The following MMD variants were observed in gnomAD, a reference collection of about 807,000 sequenced individuals.
MMD encodes the protein monocyte to macrophage differentiation factor.
In MMD, 22 loss-of-function variants were observed where a neutral mutation model predicts 33.6. That is an observed-to-expected ratio of 0.66 (90% CI 0.47 to 0.94). The LOEUF is 0.94. Ranked by LOEUF, MMD falls within the 40% of genes least tolerant of loss-of-function variation. The pLI is 0.00. For synonymous variants in MMD, 97 were observed against 103.2 expected, an observed-to-expected ratio of 0.94 and a Z score of 0.36; for missense variants, 242 against 309.8, an observed-to-expected ratio of 0.78 and a Z score of 1.64.
rs1598427513 is a variant in MMD, at chr17:55,394,155, T to A, written c.*179A>T. 14 of 443,830 alleles carry A rather than the reference T, an allele frequency of 3.2e-5. No homozygotes were observed. The East Asian group carries it at 4.9e-4, about 16-fold the overall frequency. 27.5% of individuals were successfully genotyped at this position (443,830 alleles called of 1,614,324 possible). ...AATAATTAATTCACTACCTTATTTA[T>A]TTGCTGTGAGGCAGAAAATTCCAGA... On this transcript the variant is annotated 3_prime_UTR_variant, in exon 7 of 7. Coordinates refer to ENST00000262065, the MANE Select transcript of MMD (RefSeq NM_012329.3).
intron 5 of MMD, among the ~76,000 whole-genome samples, chr17:55,401,970 G>A (rs1907348678): frequency 6.7e-6 from 1 of 150,184 alleles, no homozygotes; most frequent in Admixed American, 6.6e-5. Flanking sequence ...TCGGGGAGAT[G>A]AGGCAGGAGA....
chr17:55,397,593 C>G (rs1041561624), intron 6 of MMD, among the ~76,000 whole-genome samples: 1 of 151,918 alleles, frequency 6.6e-6, no homozygotes, highest in Non-Finnish European at 1.5e-5. Context: ...GGCCCGACCT[C>G]AGCTCACTAC....
chr17:55,412,012 G>A (rs895318773), intron 2 of MMD, among the ~76,000 whole-genome samples: 9 of 152,196 alleles, frequency 5.9e-5, no homozygotes, highest in Non-Finnish European at 7.3e-5. Context: ...GAAAGGTTGA[G>A]GCTACAGTGA....
At chr17:55,400,378 T>C (rs1309254956) in intron 6 of MMD, among the ~76,000 whole-genome samples, 1 of 151,926 alleles carries the variant, frequency 6.6e-6, no homozygotes, top group Non-Finnish European at 1.5e-5. Flanking sequence ...TGAAACCCCA[T>C]CTCTACTAAA....
At position 55,421,769 on chromosome 17, in the gene MMD, G is replaced by T; in HGVS notation, c.-74C>A. The T allele has an allele frequency of 6.7e-7, 1 of 1,501,476 alleles. No homozygotes were observed. The highest frequency in any genetic ancestry group is 8.9e-7 in the Non-Finnish European group (1 of 1,125,230). The allele number at this position is 1,501,476 out of a possible 1,614,324, so 93.0% of individuals were successfully genotyped here. A position where few individuals can be genotyped will look rare whatever the true frequency, so the allele number is the denominator to read the frequency against. ...CGGCGGCCGGGCGCGCGGCCCTCAT[G>T]GGCTTGGGCTGCTCCGGAGGCCGCC... is the stretch of plus-strand genomic sequence containing the variant. On this transcript the variant is annotated 5_prime_UTR_variant, in exon 1 of 7. Transcript: ENST00000262065.
At chr17:55,394,678 C>T (rs1567844654) in intron 6 of MMD, 144 bp from the exon 7 acceptor site, 7 of 718,950 alleles carry the variant, frequency 9.7e-6, no homozygotes, top group Non-Finnish European at 1.4e-5. Flanking sequence ...TAAACATGAA[C>T]CAAACATAAA....
chr17:55,421,545 T>A, intron 1 of MMD, 125 bp downstream of exon 1: 1 of 1,369,182 alleles, frequency 7.3e-7, no homozygotes, highest in Non-Finnish European at 1.0e-6. Flanking sequence ...AACTGATCCC[T>A]GGCCAAGGTG....
intron 1 of MMD, 110 bp downstream of exon 1, chr17:55,421,559 GA>G: frequency 6.9e-7 from 1 of 1,456,936 alleles, no homozygotes. Context: ...CAAGGTGCGG[GA>G]TCCACCCAGG....
intron 2 of MMD, 23 bp from the exon 3 acceptor site, chr17:55,411,440 T>A: frequency 6.3e-7 from 1 of 1,599,278 alleles, no homozygotes; most frequent in East Asian, 2.2e-5. Flanking sequence ...TAAAGAATGG[T>A]GAATGGAATA....
chr17:55,397,804 G>A (rs1005123077), intron 6 of MMD, among the ~76,000 whole-genome samples: 2 of 152,064 alleles, frequency 1.3e-5, no homozygotes, highest in Non-Finnish European at 2.9e-5. Flanking sequence ...AGCCTCCAAC[G>A]TGCTGGGATT....
rs1260097118 is a variant in MMD, at chr17:55,407,749, G to A, written c.341C>T (p.Pro114Leu). 6.3e-7 allele frequency: 1 copy of A among 1,597,116 alleles called. No homozygotes were observed. The highest frequency in any genetic ancestry group is 1.8e-5 in the Admixed American group (1 of 55,530). ...AAATAGGAAGACTGTATCTTACCAT[G>A]GAGCATAAGAAGCAGCAATGAAGAA... ...IYFFIAASYAPWLNLRELGPL... is the reference protein window; with the variant it reads ...IYFFIAASYALWLNLRELGPL... Residue 114 changes from proline (P) to leucine (L), a missense_variant, in exon 4 of 7, where the codon CCA becomes CTA. Transcript: ENST00000262065.
intron 4 of MMD, among the ~76,000 whole-genome samples, chr17:55,405,376 A>G (rs760349284): frequency 2.8e-5 from 3 of 106,418 alleles, no homozygotes; most frequent in Middle Eastern, 4.7e-3. Context: ...ACTCCGTCTC[A>G]AAGAAAAAAA....
intron 1 of MMD, among the ~76,000 whole-genome samples, chr17:55,417,371 C>T (rs571136778): frequency 2.6e-5 from 4 of 152,178 alleles, no homozygotes; most frequent in East Asian, 1.9e-4. Flanking sequence ...CCCAGCTCCG[C>T]GTCTCCTACC....
At chr17:55,409,539 T>C (rs1373824583) in intron 3 of MMD, among the ~76,000 whole-genome samples, 2 of 152,200 alleles carry the variant, frequency 1.3e-5, no homozygotes, top group Non-Finnish European at 2.9e-5. Context: ...AATGAGATAA[T>C]GTAGGCCATG....
intron 1 of MMD, among the ~76,000 whole-genome samples, chr17:55,421,326 G>A (rs770188104): frequency 6.6e-6 from 1 of 152,222 alleles, no homozygotes. Flanking sequence ...CGGGTTCCCA[G>A]AGAGAGCCAG....
intron 1 of MMD, chr17:55,420,385 C>T (rs1172701933): frequency 6.6e-6 from 1 of 152,188 alleles, no homozygotes; most frequent in African/African-American, 2.4e-5. Context: ...TATGAAGTTC[C>T]ACTGGGGGAA....
At position 55,403,159 on chromosome 17, in the gene MMD, A is replaced by T. The variant is rs141284000; in HGVS notation, c.446+608T>A. ...AAATGTTCTGACTTTTTAATCATGA[A>T]GTTGGAATAGGGGACCTTGAAGGTC... is the stretch of plus-strand genomic sequence containing the variant. On this transcript the variant is annotated intron_variant, in intron 5 of 6. Transcript: ENST00000262065. Among the ~76,000 whole-genome samples, 28 of 152,348 alleles carry T rather than the reference A, an allele frequency of 1.8e-4. No individual in the cohort carries two copies. The East Asian group carries it at 3.1e-3, about 17-fold the overall frequency.
At chr17:55,413,684 GA>G (rs1907851038) in intron 2 of MMD, among the ~76,000 whole-genome samples, 1 of 152,172 alleles carries the variant, frequency 6.6e-6, no homozygotes, top group African/African-American at 2.4e-5. Flanking sequence ...TCTCCTCTGG[GA>G]AGCAATGGCC....
At chr17:55,417,825 G>C (rs888133583) in intron 1 of MMD, among the ~76,000 whole-genome samples, 1 of 152,092 alleles carries the variant, frequency 6.6e-6, no homozygotes, top group Non-Finnish European at 1.5e-5. Context: ...AAAAAACCCA[G>C]ATCACATCAC....
Sources: gnomAD v4.1 joint callset for allele counts (sites outside exome capture counted in the v4.1 genomes callset) on GRCh38, gnomAD v4.1.1 for gene constraint, MANE v1.5 for transcripts, NCBI Gene and HGNC (gene_info 2026-07-23, HGNC 2026-07-21) for gene names.